The following GORASP1 variants were observed in gnomAD, a reference collection of about 807,000 sequenced individuals.
The protein encoded by GORASP1 is Golgi reassembly-stacking protein 1.
Under a neutral mutation model 37.7 loss-of-function variants are expected in GORASP1, and 31 were observed. The ratio of observed to expected loss-of-function variants is 0.82; its 90% CI spans 0.62 to 1.11. GORASP1 has a LOEUF of 1.11. Among genes scored for constraint, GORASP1 ranks in the 50% least tolerant of loss-of-function variants. GORASP1 has a pLI of 0.00. For missense variants in GORASP1, 476 were observed against 560.7 expected, an observed-to-expected ratio of 0.85 and a Z score of 1.53; for synonymous variants, 204 against 224.8, an observed-to-expected ratio of 0.91 and a Z score of 0.83.
At chr3:39,106,828 T>A in intron 1 of GORASP1, 2 of 277,810 alleles carry the variant, frequency 7.2e-6, no homozygotes, top group South Asian at 5.5e-5. Context: ...TCCGGAAGCC[T>A]GCTCGCCCAG....
chr3:39,103,676 A>C lies in GORASP1; in HGVS notation c.64-123T>G. 1.6e-6 allele frequency: 1 copy of C among 636,646 alleles called. No homozygotes were observed. Among genetic ancestry groups the C allele is most frequent in the Non-Finnish European group, 2.6e-6 (1 of 378,224 alleles). The allele number at this position is 636,646 out of a possible 1,614,324, so 39.4% of individuals were successfully genotyped here. ...CAGCCAGAACACATGTCTGGCATGA[A>C]CTGTTCCGGACATTCTCAGGGTTCA... On this transcript the variant is annotated intron_variant, in intron 1 of 8. Coordinates refer to ENST00000319283, the MANE Select transcript of GORASP1 (RefSeq NM_031899.4). This position sits in a 1 kb window ranked among gnomAD's most constrained non-coding sequence, Gnocchi z 5.2.
Position 39,103,264 on chromosome 3 carries a change from T to G in GORASP1, c.144+209A>C. 1.7e-6 allele frequency: 1 copy of G among 591,514 alleles called. No individual in the cohort carries two copies. Among genetic ancestry groups the G allele is most frequent in the Non-Finnish European group, 3.0e-6 (1 of 333,096 alleles). 36.6% of individuals were successfully genotyped at this position (591,514 alleles called of 1,614,324 possible). ...GTTGCCACCTCCAAGAGGCCATATG[T>G]CCTCTGTCCACCCCACAGAGCTCAG... On this transcript the variant is annotated intron_variant, in intron 2 of 8. Coordinates refer to ENST00000319283, the MANE Select transcript of GORASP1 (RefSeq NM_031899.4). The surrounding 1 kb of genome is among the most constrained non-coding windows in gnomAD (Gnocchi z 5.2).
Position 39,103,076 on chromosome 3 carries a change from C to G in GORASP1, c.145-195G>C, listed in dbSNP as rs2035822902. On this transcript the variant is annotated intron_variant, in intron 2 of 8. Coordinates refer to ENST00000319283, the MANE Select transcript of GORASP1 (RefSeq NM_031899.4). This position sits in a 1 kb window ranked among gnomAD's most constrained non-coding sequence, Gnocchi z 5.2. ...GAGCCTGCAGCCACTGGGACCCCCA[C>G]CTTCCCCAAGCACTGCCAAACCTTC... The G allele has an allele frequency of 3.2e-6, 2 of 626,468 alleles. No homozygotes were observed. Among genetic ancestry groups the G allele is most frequent in the Non-Finnish European group, 5.7e-6 (2 of 351,570 alleles). 38.8% of individuals were successfully genotyped at this position (626,468 alleles called of 1,614,324 possible).
rs1575447806 is a variant in GORASP1 at position 39,097,610 on chromosome 3, G to A, written c.*626C>T. On this transcript the variant is annotated 3_prime_UTR_variant, in exon 9 of 9. Transcript: ENST00000319283. The stretch of plus-strand genomic sequence containing the variant: ...TGTTTAAGTTTGGGAGCTAACAGGA[G>A]TTGCCACTGGGGATACAGGTCTGTG... The A allele has an allele frequency of 6.6e-6, 1 of 152,334 alleles. No individual in the cohort carries two copies. Among genetic ancestry groups the A allele is most frequent in the Non-Finnish European group, 1.5e-5 (1 of 68,142 alleles). 9.4% of individuals were successfully genotyped at this position (152,334 alleles called of 1,614,324 possible).
intron 3 of GORASP1, among the ~76,000 whole-genome samples, chr3:39,101,880 A>T (rs1349401885): frequency 6.6e-6 from 1 of 152,200 alleles, no homozygotes; most frequent in Non-Finnish European, 1.5e-5. Flanking sequence ...GATACCATCA[A>T]TGGGCACAGG....
intron 3 of GORASP1, 58 bp from the exon 4 acceptor site, chr3:39,101,160 G>A (rs2035684767): frequency 1.3e-6 from 2 of 1,498,388 alleles, no homozygotes; most frequent in East Asian, 2.3e-5. Context: ...TGGGGGATGG[G>A]AAAGGGCAGG....
rs142746496 is a variant in GORASP1, at chr3:39,101,052, T to G, written c.399A>C (p.Thr133=). 4.5e-5 allele frequency: 73 copies of G among 1,614,070 alleles called. No individual in the cohort carries two copies. In the Admixed American group the frequency reaches 7.8e-4, roughly 17 times the overall value. Reference sequence around the variant, plus strand: ...TCTGGTCCGAACCAACCACATAGTCTGTGTAGGGGCGCAGGCCGGCAAGGG... The same window carrying G: ...TCTGGTCCGAACCAACCACATAGTCGGTGTAGGGGCGCAGGCCGGCAAGGG... ...PAALAGLRPY[T]DYVVGSDQIL... The change falls in exon 4 of 9, where the codon ACA becomes ACC. Residue 133 remains threonine (T), a synonymous_variant. Transcript: ENST00000319283.
chr3:39,101,642 C>A, intron 3 of GORASP1: 1 of 446,594 alleles, frequency 2.2e-6, no homozygotes, highest in South Asian at 1.6e-5. Flanking sequence ...TTGGAAAGTT[C>A]CACCACTCCC....
chr3:39,107,167 G>C, intron 1 of GORASP1: 1 of 540,016 alleles, frequency 1.9e-6, no homozygotes, highest in South Asian at 1.6e-5. Context: ...CCGACTGGTA[G>C]TGGTGCATTC....
intron 7 of GORASP1, 119 bp from the exon 8 acceptor site, chr3:39,099,012 C>T (rs2035525237): frequency 7.6e-6 from 10 of 1,320,952 alleles, no homozygotes; most frequent in Non-Finnish European, 1.1e-5. Context: ...ATCTCCTCAG[C>T]CCCTGGTGAT....
rs777645727 is a variant in GORASP1, at chr3:39,107,531, C to T, written c.11G>A (p.Gly4Asp). Residue 4 changes from glycine (G) to aspartate (D), a missense_variant, in exon 1 of 9, where the codon GGC (glycine) becomes GAC (aspartate). Transcript: ENST00000319283. The stretch of plus-strand genomic sequence containing the variant: ...GCCTGCGGGCTGCTCAGCGCTGACG[C>T]CCAGGCCCATGGCAGCGGCTCCGCT... MGL[G>D]VSAEQPAGGA... is the part of the protein sequence containing the mutation. The T allele has an allele frequency of 6.6e-7, 1 of 1,510,334 alleles. No individual in the cohort carries two copies. Among genetic ancestry groups the T allele is most frequent in the South Asian group, 1.2e-5 (1 of 80,218 alleles). 93.6% of individuals were successfully genotyped at this position (1,510,334 alleles called of 1,614,324 possible).
intron 6 of GORASP1, among the ~76,000 whole-genome samples, chr3:39,099,980 C>A (rs1049106947): frequency 6.6e-6 from 1 of 152,260 alleles, no homozygotes; most frequent in Non-Finnish European, 1.5e-5. Flanking sequence ...ACCATCCCAA[C>A]TGTGGCTCTG....
rs2035603424 is a variant in GORASP1 at position 39,100,165 on chromosome 3, G to A, written c.765+140C>T. 2.5e-6 allele frequency: 2 copies of A among 788,274 alleles called. No homozygotes were observed. The highest frequency in any genetic ancestry group is 3.4e-5 in the African/African-American group (2 of 58,476). The allele number at this position is 788,274 out of a possible 1,614,324, so 48.8% of individuals were successfully genotyped here. A position where few individuals can be genotyped will look rare whatever the true frequency, so the allele number is the denominator to read the frequency against. On this transcript the variant is annotated intron_variant, in intron 6 of 8. Coordinates refer to ENST00000319283, the MANE Select transcript of GORASP1 (RefSeq NM_031899.4). This position sits in a 1 kb window ranked among gnomAD's most constrained non-coding sequence, Gnocchi z 4.6. Reference sequence around the variant, plus strand: ...AAGTGAGTTTCACTGCTCCAGGCATGGCCTGCCTGCTCCCACTGGGTCCCA... The same window carrying A: ...AAGTGAGTTTCACTGCTCCAGGCATAGCCTGCCTGCTCCCACTGGGTCCCA...
chr3:39,099,284 G>A, intron 7 of GORASP1, 69 bp downstream of exon 7: 1 of 1,581,120 alleles, frequency 6.3e-7, no homozygotes, highest in Non-Finnish European at 8.7e-7. Context: ...CCTGGGGAAA[G>A]TTTTGACATA....
chr3:39,107,508 C>A lies in GORASP1; in HGVS notation c.34G>T (p.Gly12Cys). The A allele has an allele frequency of 6.1e-6, 9 of 1,469,686 alleles. No homozygotes were observed. The South Asian group carries it at 1.2e-4, about 19-fold the overall frequency. The allele number at this position is 1,469,686 out of a possible 1,614,324, so 91.0% of individuals were successfully genotyped here. A position where few individuals can be genotyped will look rare whatever the true frequency, so the allele number is the denominator to read the frequency against. ...GLGVSAEQPA[G>C]GAEGFHLHGV... ...TGGAGGTGGAAGCCCTCGGCGCCGC[C>A]TGCGGGCTGCTCAGCGCTGACGCCC... The change falls in exon 1 of 9, where the codon GGC becomes TGC. Residue 12 changes from glycine to cysteine, a missense_variant. Transcript: ENST00000319283.
chr3:39,100,160 G>A lies in GORASP1; in HGVS notation c.765+145C>T. 1 of 766,202 alleles carries A rather than the reference G, an allele frequency of 1.3e-6. No individual in the cohort carries two copies. Among genetic ancestry groups the A allele is most frequent in the South Asian group, 1.5e-5 (1 of 66,312 alleles). The allele number at this position is 766,202 out of a possible 1,614,324, so 47.5% of individuals were successfully genotyped here. ...GCCAAAAGTGAGTTTCACTGCTCCA[G>A]GCATGGCCTGCCTGCTCCCACTGGG... On this transcript the variant is annotated intron_variant, in intron 6 of 8. Coordinates refer to ENST00000319283, the MANE Select transcript of GORASP1 (RefSeq NM_031899.4). This position sits in a 1 kb window ranked among gnomAD's most constrained non-coding sequence, Gnocchi z 4.6.
chr3:39,098,953 C>T lies in GORASP1; in HGVS notation c.917-60G>A. The stretch of plus-strand genomic sequence containing the variant: ...AAACCCTGACTGCTGGAAAGCAGCA[C>T]CCTGGGCTCACCTTGCCTAGGGCAT... On this transcript the variant is annotated intron_variant, in intron 7 of 8. Transcript: ENST00000319283. This position sits in a 1 kb window ranked among gnomAD's most constrained non-coding sequence, Gnocchi z 4.7. 1.3e-6 allele frequency: 2 copies of T among 1,598,722 alleles called. No individual in the cohort carries two copies. Among genetic ancestry groups the T allele is most frequent in the Middle Eastern group, 1.7e-4 (1 of 5,970 alleles).
In GORASP1 at chr3:39,102,889, G is replaced by A; in HGVS notation, c.145-8C>T. The A allele has an allele frequency of 6.2e-7, 1 of 1,613,888 alleles. No homozygotes were observed. Among genetic ancestry groups the A allele is most frequent in the South Asian group, 1.1e-5 (1 of 91,086 alleles). On this transcript the variant is annotated splice_region_variant and splice_polypyrimidine_tract_variant and intron_variant, in intron 2 of 8. Transcript: ENST00000319283. The surrounding 1 kb of genome is among the most constrained non-coding windows in gnomAD (Gnocchi z 5.0). Reference sequence around the variant, plus strand: ...GGTGTCATTCTCCTTGTTCTGTGGGGGCAATGGGGCTGACTCCAAGGCCAC... The same window carrying A: ...GGTGTCATTCTCCTTGTTCTGTGGGAGCAATGGGGCTGACTCCAAGGCCAC...
chr3:39,101,465 T>C, intron 3 of GORASP1: 1 of 489,260 alleles, frequency 2.0e-6, no homozygotes, highest in Non-Finnish European at 4.0e-6. Flanking sequence ...AATGATAGGG[T>C]TGCTGAGAAA....
Sources: allele counts gnomAD v4.1 joint callset (sites outside exome capture counted in the v4.1 genomes callset), GRCh38; gene constraint gnomAD v4.1.1; non-coding constraint Gnocchi (gnomAD v3.1); transcripts MANE v1.5; gene names NCBI Gene and HGNC (gene_info 2026-07-23, HGNC 2026-07-21).